Variants in RIC1 observed in about 807,000 individuals in gnomAD.
RIC1 encodes RIC1 partner of RAB6A GEF complex, also known as guanine nucleotide exchange factor subunit RIC1.
RIC1 carries 88 observed loss-of-function variants against 169.0 expected under a neutral mutation model. That is an observed-to-expected ratio of 0.52 (90% CI 0.44 to 0.62). The LOEUF is 0.62. Ranked by LOEUF, RIC1 falls within the 20% of genes least tolerant of loss-of-function variation. RIC1 has a pLI of 0.00. For missense variants in RIC1, 1,877 were observed against 1,725.5 expected (o/e 1.09, Z -1.56); for synonymous variants, 790 against 601.5 (o/e 1.31, Z -4.59).
chr9:5,713,430 C>G (rs1009758636), intron 3 of RIC1: 11 of 152,308 alleles, frequency 7.2e-5, no homozygotes, highest in African/African-American at 2.4e-4. Flanking sequence ...TTGAATTTCA[C>G]CTTAATTCTG....
intron 17 of RIC1, among the ~76,000 whole-genome samples, chr9:5,762,235 T>C (rs914425893): frequency 1.3e-5 from 2 of 152,250 alleles, no homozygotes; most frequent in African/African-American, 4.8e-5. Context: ...GACAGCTAGA[T>C]CACTGAAGTG....
chr9:5,665,633 T>G (rs1338951894), intron 2 of RIC1, among the ~76,000 whole-genome samples: 8 of 152,188 alleles, frequency 5.3e-5, no homozygotes, highest in Admixed American at 6.6e-5. Context: ...TTGTAGGGTC[T>G]TTTTTGTTGA....
chr9:5,727,935 G>A (rs116393543), intron 6 of RIC1, among the ~76,000 whole-genome samples: 3 of 152,198 alleles, frequency 2.0e-5, no homozygotes, highest in African/African-American at 7.2e-5. Context: ...CAGCTGGATT[G>A]AGGTGTCAGT....
Position 5,756,342 on chromosome 9 carries a change from G to T in RIC1, c.1823G>T (p.Cys608Phe). ...VIVFRADCSICLYSIERKSDG... is the reference protein window; with the variant it reads ...VIVFRADCSIFLYSIERKSDG... ...GTATTTAGAGCAGACTGTTCAATAT[G>T]CCTTTACAGTATTGAAAGAAAATCT... Residue 608 changes from cysteine to phenylalanine, a missense_variant, in exon 16 of 26, where the codon TGC (cysteine) becomes TTC (phenylalanine). Physicochemically the swap from Cys to Phe is radical, Grantham distance 205. This residue lies in a region of RIC1 where 1,104 missense variants were observed against 992.0 expected (regional missense o/e 1.11). Coordinates refer to ENST00000414202, the MANE Select transcript of RIC1 (RefSeq NM_020829.4). 6.5e-7 allele frequency: 1 copy of T among 1,541,124 alleles called. No individual in the cohort carries two copies. Among genetic ancestry groups the T allele is most frequent in the Non-Finnish European group, 8.8e-7 (1 of 1,136,018 alleles).
At position 5,774,488 on chromosome 9, in the gene RIC1, T is replaced by C. The variant is rs949372570; in HGVS notation, c.*242T>C. The C allele has an allele frequency of 3.0e-6, 1 of 332,776 alleles. No individual in the cohort carries two copies. Among genetic ancestry groups the C allele is most frequent in the African/African-American group, 2.1e-5 (1 of 47,676 alleles). The allele number at this position is 332,776 out of a possible 1,614,324, so 20.6% of individuals were successfully genotyped here. On this transcript the variant is annotated 3_prime_UTR_variant, in exon 26 of 26. Coordinates refer to ENST00000414202, the MANE Select transcript of RIC1 (RefSeq NM_020829.4). ...GTGAAAAGTAAATATTGTACAGATG[T>C]ACATGAGAATATTTTGGTTTTACTC...
At chr9:5,727,330 G>T (rs142724963) in intron 6 of RIC1, among the ~76,000 whole-genome samples, 1 of 151,076 alleles carries the variant, frequency 6.6e-6, no homozygotes, top group African/African-American at 2.4e-5. Context: ...CGATCAAATC[G>T]GCTACTGAAG....
chr9:5,756,087 CT>C (rs1825995018), intron 15 of RIC1, 124 bp from the exon 16 acceptor site: 1 of 494,374 alleles, frequency 2.0e-6, no homozygotes, highest in South Asian at 6.1e-5. Context: ...TTAGATAGTT[CT>C]TTTAACTCCT....
At chr9:5,633,782 G>A (rs977419809) in intron 1 of RIC1, among the ~76,000 whole-genome samples, 10 of 152,050 alleles carry the variant, frequency 6.6e-5, no homozygotes, top group African/African-American at 2.4e-4. Flanking sequence ...TACAATATAT[G>A]TTAATTATGG....
At chr9:5,688,891 G>T (rs900747862) in intron 2 of RIC1, among the ~76,000 whole-genome samples, 4 of 152,062 alleles carry the variant, frequency 2.6e-5, no homozygotes, top group Non-Finnish European at 5.9e-5. Context: ...ACTTCACTCT[G>T]TTAGGCGTAA....
chr9:5,728,764 T>C (rs1280022480), intron 6 of RIC1, among the ~76,000 whole-genome samples: 2 of 152,352 alleles, frequency 1.3e-5, no homozygotes, highest in African/African-American at 4.8e-5. Context: ...AACACAGCTG[T>C]TTTTTGGCCT....
downstream of RIC1, among the ~76,000 whole-genome samples, chr9:5,777,262 CTTCA>C (rs1218322506): frequency 1.3e-5 from 2 of 150,582 alleles, no homozygotes; most frequent in African/African-American, 2.4e-5. Flanking sequence ...GCAACTATTT[CTTCA>C]TTCTGTGGGC....
In RIC1 at chr9:5,745,499, A is replaced by G. The variant is rs546298261; in HGVS notation, c.1096-432A>G. Among the ~76,000 whole-genome samples the G allele has an allele frequency of 7.9e-5, 12 of 152,296 alleles. No individual in the cohort carries two copies. In the East Asian group the frequency reaches 2.3e-3, roughly 29 times the overall value. On this transcript the variant is annotated intron_variant, in intron 10 of 25. Transcript: ENST00000414202. ...GAAGACTCTAGTCTCACAGCTTCCA[A>G]TCCAATGTTTTTTGCTCCATACAAA...
At chr9:5,671,054 T>G (rs1162999207) in intron 2 of RIC1, among the ~76,000 whole-genome samples, 1 of 152,118 alleles carries the variant, frequency 6.6e-6, no homozygotes, top group East Asian at 1.9e-4. Flanking sequence ...ACAGTAGTGA[T>G]GTTACCTGCA....
chr9:5,743,925 A>C (rs748699877), intron 10 of RIC1, among the ~76,000 whole-genome samples, 188 bp downstream of exon 10: 1 of 152,060 alleles, frequency 6.6e-6, no homozygotes, highest in Non-Finnish European at 1.5e-5. Context: ...CAAGCTTCCA[A>C]GTAGCTGAGA....
chr9:5,644,932 G>A (rs1307402971), intron 1 of RIC1, among the ~76,000 whole-genome samples: 5 of 152,176 alleles, frequency 3.3e-5, no homozygotes, highest in Non-Finnish European at 4.4e-5. Context: ...TTGTAGTGGT[G>A]TCTTATTTGT....
At chr9:5,734,777 G>T (rs1449293024) in intron 7 of RIC1, among the ~76,000 whole-genome samples, 1 of 152,148 alleles carries the variant, frequency 6.6e-6, no homozygotes, top group African/African-American at 2.4e-5. Context: ...TCATTTACCA[G>T]TAGTTGTAAT....
At chr9:5,754,762 A>C in intron 14 of RIC1, 79 bp from the exon 15 acceptor site, 1 of 841,030 alleles carries the variant, frequency 1.2e-6, no homozygotes, top group Non-Finnish European at 1.8e-6. Context: ...TTGTCTGGGT[A>C]AGAATTTTTA....
At chr9:5,748,321 G>C (rs1825512794) in intron 12 of RIC1, among the ~76,000 whole-genome samples, 1 of 151,994 alleles carries the variant, frequency 6.6e-6, no homozygotes, top group Admixed American at 6.6e-5. Flanking sequence ...TACCCTACTA[G>C]CCTACTTCAG....
chr9:5,776,691 T>A (rs1362881328), downstream of RIC1: 1 of 151,932 alleles, frequency 6.6e-6, no homozygotes, highest in Non-Finnish European at 1.5e-5. Flanking sequence ...ATATGTAGAT[T>A]TAGAATGACA....
Sources: allele counts gnomAD v4.1 joint callset (sites outside exome capture counted in the v4.1 genomes callset), GRCh38; gene constraint gnomAD v4.1.1; regional missense constraint gnomAD v4.1.1; transcripts MANE v1.5; gene names NCBI Gene and HGNC (gene_info 2026-07-23, HGNC 2026-07-21).